The following SCMH1 variants were observed in gnomAD, a reference collection of about 807,000 sequenced individuals.
The protein encoded by SCMH1 is polycomb protein SCMH1.
Under a neutral mutation model 70.8 loss-of-function variants are expected in SCMH1, and 37 were observed. The observed-to-expected ratio is 0.52, with a 90% CI of 0.40 to 0.69. The LOEUF (loss-of-function observed/expected upper bound fraction) is 0.69, where lower values mean the gene tolerates loss of function less well. Among genes scored for constraint, SCMH1 ranks in the 30% least tolerant of loss-of-function variants. The pLI, the probability that SCMH1 is intolerant of heterozygous loss-of-function variation, is 0.00. For synonymous variants in SCMH1, 292 were observed against 307.4 expected (o/e 0.95, Z 0.52); for missense variants, 607 against 827.3 (o/e 0.73, Z 3.27).
intron 14 of SCMH1, 125 bp downstream of exon 15, chr1:41,028,458 GA>G (rs1258558934): frequency 6.7e-7 from 1 of 1,502,146 alleles, no homozygotes. Context: ...CTGTGATGCT[GA>G]AGCCTACCTG....
intron 1 of SCMH1, among the ~76,000 whole-genome samples, chr1:41,228,780 T>A (rs905073011): frequency 6.6e-6 from 1 of 151,312 alleles, no homozygotes; most frequent in Non-Finnish European, 1.5e-5. Flanking sequence ...GTAGAGAGAA[T>A]AGTATAATTA....
intron 13 of SCMH1, 118 bp downstream of exon 13, chr1:41,037,244 G>T: frequency 9.8e-7 from 1 of 1,016,746 alleles, no homozygotes; most frequent in African/African-American, 1.6e-5. Context: ...CCAGTCCCTA[G>T]TCCCACCACC....
rs1379046001 is a variant in SCMH1, at chr1:41,188,083, T to C, written c.-117-1833A>G. On this transcript the variant is annotated intron_variant, in intron 1 of 14. Coordinates refer to ENST00000337495, the Ensembl canonical transcript of SCMH1. Reference sequence around the variant, plus strand: ...TTGTATTTATTCCAAAAGATAGTAATGGCACTAAGGGGCTGGAATAAGAAC... The same window carrying C: ...TTGTATTTATTCCAAAAGATAGTAACGGCACTAAGGGGCTGGAATAAGAAC... Among the ~76,000 whole-genome samples, 7 of 152,198 alleles carry C rather than the reference T, an allele frequency of 4.6e-5. No homozygotes were observed. In the East Asian group the frequency reaches 1.3e-3, roughly 29 times the overall value.
intron 8 of SCMH1, among the ~76,000 whole-genome samples, chr1:41,088,803 T>C (rs1363595380): frequency 1.3e-5 from 2 of 152,320 alleles, no homozygotes; most frequent in Admixed American, 6.5e-5. Context: ...GGTATGCATA[T>C]AGAATTCTGA....
intron 8 of SCMH1, among the ~76,000 whole-genome samples, chr1:41,103,969 AAATCAGTT>A (rs1254017196): frequency 4.6e-5 from 7 of 152,186 alleles, no homozygotes; most frequent in Non-Finnish European, 8.8e-5. Flanking sequence ...AACCAAGAAA[AAATCAGTT>A]ATGAGAGTAC....
At chr1:41,210,958 C>T (rs1046496368) in intron 1 of SCMH1, among the ~76,000 whole-genome samples, 1 of 152,120 alleles carries the variant, frequency 6.6e-6, no homozygotes, top group South Asian at 2.1e-4. Flanking sequence ...TACAGGCACA[C>T]ACCACCATGC....
chr1:41,042,619 C>T (rs945684827), intron 12 of SCMH1, among the ~76,000 whole-genome samples: 1 of 152,066 alleles, frequency 6.6e-6, no homozygotes, highest in African/African-American at 2.4e-5. Flanking sequence ...AGACTCTGCT[C>T]TGACATTGCC....
At chr1:41,145,729 G>A (rs1173081818) in intron 5 of SCMH1, among the ~76,000 whole-genome samples, 3 of 152,132 alleles carry the variant, frequency 2.0e-5, no homozygotes, top group African/African-American at 7.2e-5. Context: ...TGTATAGATT[G>A]TGGTCCCATA....
chr1:41,142,536 T>C (rs1644192945), intron 6 of SCMH1, among the ~76,000 whole-genome samples: 1 of 152,208 alleles, frequency 6.6e-6, no homozygotes, highest in African/African-American at 2.4e-5. Context: ...TTCTTGTCAT[T>C]ATGATAGGAT....
At chr1:41,207,873 C>G (rs1478663027) in intron 1 of SCMH1, among the ~76,000 whole-genome samples, 18 of 150,548 alleles carry the variant, frequency 1.2e-4, no homozygotes, top group Non-Finnish European at 2.1e-4. Context: ...TGTGGCGATT[C>G]CTCAGGGATC....
At chr1:41,142,403 A>G (rs769660047) in intron 6 of SCMH1, among the ~76,000 whole-genome samples, 4 of 152,236 alleles carry the variant, frequency 2.6e-5, no homozygotes, top group Admixed American at 6.5e-5. Flanking sequence ...ATTTTAAAAA[A>G]TGATTTTTAT....
chr1:41,182,790 T>C (rs1010263885), intron 2 of SCMH1, among the ~76,000 whole-genome samples: 5 of 152,096 alleles, frequency 3.3e-5, no homozygotes, highest in African/African-American at 7.2e-5. Flanking sequence ...TACAAACTAC[T>C]GAAACATGGA....
intron 6 of SCMH1, among the ~76,000 whole-genome samples, chr1:41,121,421 G>C (rs1671912286): frequency 6.6e-6 from 1 of 152,152 alleles, no homozygotes; most frequent in Non-Finnish European, 1.5e-5. Context: ...CTGTCTCTAG[G>C]TAAGAAGGGT....
intron 4 of SCMH1, chr1:41,152,727 A>G (rs1195053005): frequency 6.2e-7 from 1 of 1,609,560 alleles, no homozygotes; most frequent in Non-Finnish European, 8.5e-7. Context: ...TGGGCCATGC[A>G]AAAAGCACTA....
intron 10 of SCMH1, among the ~76,000 whole-genome samples, chr1:41,068,491 C>T (rs927595583): frequency 6.6e-6 from 1 of 152,158 alleles, no homozygotes; most frequent in Non-Finnish European, 1.5e-5. Flanking sequence ...CTGCAAACTC[C>T]ACCTCCTCGG....
intron 1 of SCMH1, among the ~76,000 whole-genome samples, chr1:41,198,291 A>G (rs949617752): frequency 1.3e-5 from 2 of 152,178 alleles, no homozygotes; most frequent in Non-Finnish European, 2.9e-5. Flanking sequence ...GCTTGCTAGC[A>G]TCTCCATCAG....
chr1:41,030,490 A>G (rs939587740), intron 13 of SCMH1, among the ~76,000 whole-genome samples: 2 of 151,858 alleles, frequency 1.3e-5, no homozygotes, highest in African/African-American at 4.9e-5. Flanking sequence ...ATCCTCTGAC[A>G]TGCAATTTCC....
At chr1:41,114,619 AT>A (rs1484323474) in intron 7 of SCMH1, among the ~76,000 whole-genome samples, 4 of 151,824 alleles carry the variant, frequency 2.6e-5, no homozygotes. Context: ...AAGCCTTCCC[AT>A]CCATAAACAT....
intron 12 of SCMH1, among the ~76,000 whole-genome samples, chr1:41,039,448 A>G (rs1176813800): frequency 1.3e-5 from 2 of 152,064 alleles, no homozygotes; most frequent in African/African-American, 4.8e-5. Context: ...TCTCTTTGGT[A>G]GGACAGTGCC....
Sources: allele counts gnomAD v4.1 joint callset (sites outside exome capture counted in the v4.1 genomes callset), GRCh38; gene constraint gnomAD v4.1.1; transcripts MANE v1.5; gene names NCBI Gene and HGNC (gene_info 2026-07-23, HGNC 2026-07-21).